LRP1B: variants seen among roughly 807,000 people sequenced by gnomAD.
LRP1B encodes low-density lipoprotein receptor-related protein 1B.
A neutral mutation model predicts 556.6 loss-of-function variants in LRP1B; 217 were observed. The observed-to-expected ratio is 0.39, with a 90% CI of 0.35 to 0.44. The LOEUF (loss-of-function observed/expected upper bound fraction) is 0.44. Ranked by LOEUF, LRP1B falls within the 20% of genes least tolerant of loss-of-function variation. The pLI, the probability that LRP1B is intolerant of heterozygous loss-of-function variation, is 1.00. For missense variants in LRP1B, 5,053 were observed against 5,620.8 expected (o/e 0.90, Z 3.23); for synonymous variants, 2,047 against 1,865.8 (o/e 1.10, Z -2.50).
At chr2:140,233,546 T>A (rs1244848213) in intron 90 of LRP1B, among the ~76,000 whole-genome samples, 2 of 151,198 alleles carry the variant, frequency 1.3e-5, no homozygotes, top group African/African-American at 4.8e-5. Context: ...ATTTTGCAAG[T>A]AACTTGTGAA....
Position 140,956,823 on chromosome 2 carries a change from T to A in LRP1B, c.2888-4883A>T, listed in dbSNP as rs80197934. On this transcript the variant is annotated intron_variant, in intron 18 of 90. Transcript: ENST00000389484. The stretch of plus-strand genomic sequence containing the variant: ...GACTGTATTGCCAATTAATGTGTGA[T>A]ATTGGGTAGTTACCTAACATCTCTG... 6.9e-3 allele frequency among the ~76,000 whole-genome samples: 1,042 copies of A among 151,890 alleles called. 9 individuals are homozygous for A. The highest frequency in any genetic ancestry group is 0.023 in the African/African-American group (955 of 41,536).
intron 3 of LRP1B, among the ~76,000 whole-genome samples, chr2:141,443,627 A>C (rs932949595): frequency 2.0e-5 from 3 of 152,154 alleles, no homozygotes; most frequent in Non-Finnish European, 4.4e-5. Context: ...GAAGGGGTAC[A>C]ATTTCAGTTC....
intron 55 of LRP1B, among the ~76,000 whole-genome samples, chr2:140,498,226 T>C (rs1689033717): frequency 6.6e-6 from 1 of 151,894 alleles, no homozygotes; most frequent in African/African-American, 2.4e-5. Flanking sequence ...TTATTTAGAA[T>C]CTTCTTGAGT....
chr2:141,066,402 T>C (rs1279839049), intron 7 of LRP1B, among the ~76,000 whole-genome samples: 1 of 152,010 alleles, frequency 6.6e-6, no homozygotes, highest in East Asian at 1.9e-4. Flanking sequence ...ACATAAATCA[T>C]AAGTCACAAA....
At chr2:140,243,019 A>G (rs1368355281) in intron 87 of LRP1B, among the ~76,000 whole-genome samples, 1 of 151,016 alleles carries the variant, frequency 6.6e-6, no homozygotes. Flanking sequence ...GTCTCAGCGG[A>G]AGTATCACCA....
intron 16 of LRP1B, among the ~76,000 whole-genome samples, chr2:140,993,542 G>A (rs1170721019): frequency 1.3e-5 from 2 of 152,024 alleles, no homozygotes; most frequent in Non-Finnish European, 2.9e-5. Context: ...ATAGTAACAT[G>A]TTCCAAACCC....
intron 1 of LRP1B, among the ~76,000 whole-genome samples, chr2:141,823,421 A>G (rs186276425): frequency 5.9e-5 from 9 of 152,162 alleles, no homozygotes; most frequent in Admixed American, 5.9e-4. Flanking sequence ...TATTAATGAT[A>G]TCATTATTGT....
At chr2:140,976,503 CTTTTTTT>C (rs1216208854) in intron 18 of LRP1B, among the ~76,000 whole-genome samples, 1 of 105,354 alleles carries the variant, frequency 9.5e-6, no homozygotes, top group East Asian at 2.9e-4. Context: ...TTTTTTTTTC[CTTTTTTT>C]TTTTTTTTTT....
intron 3 of LRP1B, among the ~76,000 whole-genome samples, chr2:141,310,587 C>G (rs774429802): frequency 6.6e-6 from 1 of 152,008 alleles, no homozygotes; most frequent in Non-Finnish European, 1.5e-5. Flanking sequence ...ATATAACACA[C>G]TTTCTCTCTT....
intron 83 of LRP1B, among the ~76,000 whole-genome samples, chr2:140,312,148 T>C (rs892642991): frequency 4.6e-5 from 7 of 151,950 alleles, no homozygotes; most frequent in African/African-American, 1.4e-4. Context: ...CTTCTTGTTG[T>C]GGTATTCACT....
chr2:140,847,342 ACTTAT>A (rs375259382), intron 29 of LRP1B, among the ~76,000 whole-genome samples: 219 of 152,286 alleles, frequency 1.4e-3, no homozygotes, highest in Non-Finnish European at 2.7e-3. Flanking sequence ...AACATTAAAA[ACTTAT>A]CTTATAAAGG....
rs67960557 is a variant in LRP1B at position 141,492,091 on chromosome 2, A to AAAAAAAAAAAACC, written c.206-11559_206-11558insGGTTTTTTTTTTT. 5.9e-3 allele frequency among the ~76,000 whole-genome samples: 591 copies of AAAAAAAAAAAACC among 100,146 alleles called. 10 individuals carry two copies. The highest frequency in any genetic ancestry group is 9.8e-3 in the South Asian group (30 of 3,074). 65.7% of individuals were successfully genotyped at this position (100,146 alleles called of 152,430 possible). A position where few individuals can be genotyped will look rare whatever the true frequency, so the allele number is the denominator to read the frequency against. ...TATTTAGCTTTCTGAAAAAAAAAAA[A>AAAAAAAAAAAACC]CACTAAGAAAACCAACATTTGATGA... On this transcript the variant is annotated intron_variant, in intron 2 of 90. Coordinates refer to ENST00000389484, the MANE Select transcript of LRP1B (RefSeq NM_018557.3).
intron 66 of LRP1B, among the ~76,000 whole-genome samples, chr2:140,430,589 C>A (rs1451813630): frequency 6.6e-6 from 1 of 152,158 alleles, no homozygotes; most frequent in Non-Finnish European, 1.5e-5. Flanking sequence ...TCACATCGGT[C>A]ACTCCCACCT....
intron 11 of LRP1B, among the ~76,000 whole-genome samples, chr2:141,044,557 C>T (rs1377858537): frequency 6.7e-6 from 1 of 149,664 alleles, no homozygotes. Context: ...CTACAATGAA[C>T]TCAAACAAAT....
chr2:140,838,071 A>T lies in LRP1B; in HGVS notation c.5209+1920T>A, dbSNP rs532276332. Among the ~76,000 whole-genome samples the T allele has an allele frequency of 5.3e-5, 8 of 152,302 alleles. No individual in the cohort carries two copies. The East Asian group carries it at 1.4e-3, about 26-fold the overall frequency. ...TAAGCTGTTAGGCCTTTTATTAAAAAAATTCTGAATAGGAAACTGGATATT... is the reference window on the plus strand; with the variant it reads ...TAAGCTGTTAGGCCTTTTATTAAAATAATTCTGAATAGGAAACTGGATATT... On this transcript the variant is annotated intron_variant, in intron 31 of 90. Coordinates refer to ENST00000389484, the MANE Select transcript of LRP1B (RefSeq NM_018557.3).
chr2:140,991,266 A>G (rs1270896779), intron 16 of LRP1B, among the ~76,000 whole-genome samples: 11 of 152,180 alleles, frequency 7.2e-5, no homozygotes, highest in Non-Finnish European at 1.5e-4. Flanking sequence ...CAATAAAGTA[A>G]TAAACAGGAA....
At chr2:141,329,652 A>AC (rs1687565017) in intron 3 of LRP1B, among the ~76,000 whole-genome samples, 2 of 139,360 alleles carry the variant, frequency 1.4e-5, no homozygotes, top group African/African-American at 5.6e-5. Flanking sequence ...TCAAAAAAAA[A>AC]AAAAAAAAAA....
chr2:141,727,176 A>G (rs1693071815), intron 2 of LRP1B, among the ~76,000 whole-genome samples: 3 of 152,136 alleles, frequency 2.0e-5, no homozygotes, highest in Non-Finnish European at 4.4e-5. Context: ...TTCTTTAGAG[A>G]AAAGTAATAG....
At chr2:140,833,766 C>T (rs1691800780) in intron 31 of LRP1B, among the ~76,000 whole-genome samples, 1 of 151,984 alleles carries the variant, frequency 6.6e-6, no homozygotes, top group South Asian at 2.1e-4. Flanking sequence ...GTCTGTTTTT[C>T]AGAGTCAGCT....
Sources: allele counts gnomAD v4.1 joint callset (sites outside exome capture counted in the v4.1 genomes callset), GRCh38; gene constraint gnomAD v4.1.1; transcripts MANE v1.5; gene names NCBI Gene and HGNC (gene_info 2026-07-23, HGNC 2026-07-21).